PRKN: variants seen among roughly 807,000 people sequenced by gnomAD.
PRKN encodes E3 ubiquitin-protein ligase parkin.
Under a neutral mutation model 59.5 loss-of-function variants are expected in PRKN, and 56 were observed. That is an observed-to-expected ratio of 0.94 (90% confidence interval 0.76 to 1.18). The LOEUF (loss-of-function observed/expected upper bound fraction) is 1.18, where lower values mean the gene tolerates loss of function less well. Among genes scored for constraint, PRKN ranks in the 50% most tolerant of loss-of-function variants. The probability of loss-of-function intolerance (pLI) is 0.00; values close to 1 mark genes in which losing one functional copy is unlikely to be tolerated. For synonymous variants in PRKN, 250 were observed against 222.1 expected (o/e 1.13, Z -1.12); for missense variants, 657 against 596.4 (o/e 1.10, Z -1.06).
chr6:161,425,316 C>G lies in PRKN; in HGVS notation c.1084-38439G>C, dbSNP rs200458178. 8.5e-5 allele frequency among the ~76,000 whole-genome samples: 13 copies of G among 152,302 alleles called. No individual in the cohort carries two copies. The East Asian group carries it at 2.3e-3, about 27-fold the overall frequency. The stretch of plus-strand genomic sequence containing the variant: ...ACAAACTGCATTGAGGTTCTCTACT[C>G]ACAGCGTTGCCTTACAACACATCAA... On this transcript the variant is annotated intron_variant, in intron 9 of 11. Transcript: ENST00000366898.
intron 6 of PRKN, among the ~76,000 whole-genome samples, chr6:161,819,877 T>C (rs1268035463): frequency 6.6e-6 from 1 of 152,172 alleles, no homozygotes; most frequent in East Asian, 1.9e-4. Context: ...TAAAAAATGA[T>C]TTATCAAAAC....
chr6:161,713,590 T>C (rs779567400), intron 7 of PRKN, among the ~76,000 whole-genome samples: 2 of 152,202 alleles, frequency 1.3e-5, no homozygotes, highest in African/African-American at 2.4e-5. Flanking sequence ...AGACCAAATA[T>C]AGTTCCTATT....
At chr6:161,787,683 AC>A (rs1790476950) in intron 6 of PRKN, among the ~76,000 whole-genome samples, 1 of 152,038 alleles carries the variant, frequency 6.6e-6, no homozygotes, top group Admixed American at 6.6e-5. Context: ...GTGGTGGCTC[AC>A]GCCTGTAATC....
rs1376696714 is a variant in PRKN, at chr6:162,678,551, G to C, written c.7+49111C>G. Among the ~76,000 whole-genome samples, 3 of 152,142 alleles carry C rather than the reference G, an allele frequency of 2.0e-5. No homozygotes were observed. In the South Asian group the frequency reaches 6.2e-4, roughly 31 times the overall value. On this transcript the variant is annotated intron_variant, in intron 1 of 11. Coordinates refer to ENST00000366898, the MANE Select transcript of PRKN (RefSeq NM_004562.3). ...TTACATTTCCCCAATGACTAATAAT[G>C]TTGGGGGTATCTTTGCATGTGTTTA...
chr6:161,771,775 A>G (rs939243422), intron 7 of PRKN, among the ~76,000 whole-genome samples: 17 of 152,216 alleles, frequency 1.1e-4, no homozygotes, highest in Admixed American at 9.8e-4. Context: ...TTAGAATATT[A>G]AGCCACTCCT....
At chr6:162,469,547 C>T (rs569105041) in intron 1 of PRKN, among the ~76,000 whole-genome samples, 1 of 151,414 alleles carries the variant, frequency 6.6e-6, no homozygotes, top group Admixed American at 6.6e-5. Context: ...TACTACTCAG[C>T]CATTAAAAGG....
At chr6:161,655,113 G>A (rs1245082348) in intron 7 of PRKN, among the ~76,000 whole-genome samples, 1 of 150,052 alleles carries the variant, frequency 6.7e-6, no homozygotes, top group African/African-American at 2.5e-5. Flanking sequence ...CATTAGCATG[G>A]GCCTGGCCCC....
At chr6:162,658,699 AAAAAGAAAAC>A (rs1352770198) in intron 1 of PRKN, among the ~76,000 whole-genome samples, 1 of 150,650 alleles carries the variant, frequency 6.6e-6, no homozygotes, top group Non-Finnish European at 1.5e-5. Context: ...AAAGAAAAAG[AAAAAGAAAAC>A]AAAAGAAAAA....
intron 9 of PRKN, among the ~76,000 whole-genome samples, chr6:161,426,886 T>C (rs139451159): frequency 6.0e-4 from 91 of 150,898 alleles, no homozygotes; most frequent in Non-Finnish European, 1.2e-3. Context: ...GCCTGGCTAA[T>C]TTTTTCGTAT....
intron 1 of PRKN, among the ~76,000 whole-genome samples, chr6:162,531,730 T>A (rs1562361656): frequency 6.6e-6 from 1 of 152,114 alleles, no homozygotes; most frequent in Admixed American, 6.5e-5. Context: ...TAATTTCTAA[T>A]CTTGTCGCTA....
chr6:162,250,893 G>A (rs1779405751), intron 3 of PRKN, among the ~76,000 whole-genome samples: 1 of 139,514 alleles, frequency 7.2e-6, no homozygotes, highest in Non-Finnish European at 1.5e-5. Flanking sequence ...AGTTTCTAAT[G>A]TATTTGGGTT....
intron 5 of PRKN, among the ~76,000 whole-genome samples, chr6:162,012,823 G>T (rs760272690): frequency 6.6e-6 from 1 of 152,060 alleles, no homozygotes; most frequent in Non-Finnish European, 1.5e-5. Context: ...TGTGTAGAAT[G>T]TTCCTCAATC....
In PRKN at chr6:161,386,069, G is replaced by A. The variant is rs1786224865; in HGVS notation, c.1167+725C>T. ...CTGGGATTTCTATGTCTGTTTACTA[G>A]GTTCCTATCAGTACAATGACTAAAG... is the stretch of plus-strand genomic sequence containing the variant. On this transcript the variant is annotated intron_variant, in intron 10 of 11. Coordinates refer to ENST00000366898, the MANE Select transcript of PRKN (RefSeq NM_004562.3). The surrounding 1 kb of genome is among the most constrained non-coding windows in gnomAD (Gnocchi z 4.3). Among the ~76,000 whole-genome samples the A allele has an allele frequency of 6.6e-6, 1 of 152,108 alleles. No individual in the cohort carries two copies. Among genetic ancestry groups the A allele is most frequent in the African/African-American group, 2.4e-5 (1 of 41,418 alleles).
intron 1 of PRKN, among the ~76,000 whole-genome samples, chr6:162,494,713 T>C (rs563556795): frequency 7.5e-4 from 115 of 152,326 alleles, no homozygotes; most frequent in African/African-American, 2.7e-3. Flanking sequence ...AAAGTTGGCA[T>C]GGAATGCACA....
intron 1 of PRKN, among the ~76,000 whole-genome samples, chr6:162,598,444 CT>C (rs1422353444): frequency 6.6e-6 from 1 of 152,098 alleles, no homozygotes; most frequent in African/African-American, 2.4e-5. Context: ...CCTCATGGAG[CT>C]TACATTTTAG....
chr6:161,738,737 G>C (rs1399617327), intron 7 of PRKN, among the ~76,000 whole-genome samples: 1 of 152,168 alleles, frequency 6.6e-6, no homozygotes, highest in East Asian at 1.9e-4. Flanking sequence ...TAGACCTGCA[G>C]GTGGGGGTCC....
At chr6:162,118,879 G>GGGGAATTCCTGTGGC (rs1780788006) in intron 4 of PRKN, among the ~76,000 whole-genome samples, 1 of 152,140 alleles carries the variant, frequency 6.6e-6, no homozygotes. Flanking sequence ...TGCCAGTCTA[G>GGGGAATTCCTGTGGC]AGCACACATA....
intron 5 of PRKN, among the ~76,000 whole-genome samples, chr6:162,053,673 G>A (rs1373987906): frequency 6.6e-6 from 1 of 151,802 alleles, no homozygotes; most frequent in Non-Finnish European, 1.5e-5. Flanking sequence ...AGTAGATAAA[G>A]CAGAAAAAAA....
chr6:162,088,787 T>C (rs924765419), intron 4 of PRKN, among the ~76,000 whole-genome samples: 6 of 152,138 alleles, frequency 3.9e-5, no homozygotes, highest in African/African-American at 1.4e-4. Context: ...TTCAACCAAA[T>C]ATTTGATTCG....
Sources: gnomAD v4.1 joint callset for allele counts (sites outside exome capture counted in the v4.1 genomes callset) on GRCh38, gnomAD v4.1.1 for gene constraint, Gnocchi (gnomAD v3.1) non-coding constraint, MANE v1.5 for transcripts, NCBI Gene and HGNC (gene_info 2026-07-23, HGNC 2026-07-21) for gene names.